The following PTK2 variants were observed in gnomAD, a reference collection of about 807,000 sequenced individuals.
The protein encoded by PTK2 is protein tyrosine kinase 2, also known as focal adhesion kinase 1.
In PTK2, 45 loss-of-function variants were observed where a neutral mutation model predicts 150.1. That is an observed-to-expected ratio of 0.30 (90% CI 0.24 to 0.38). The LOEUF is 0.38. Ranked by LOEUF, PTK2 falls within the 10% of genes least tolerant of loss-of-function variation. The probability of loss-of-function intolerance (pLI) is 1.00; values close to 1 mark genes in which losing one functional copy is unlikely to be tolerated. For synonymous variants in PTK2, 432 were observed against 449.2 expected, an observed-to-expected ratio of 0.96 and a Z score of 0.48; for missense variants, 919 against 1,307.3, an observed-to-expected ratio of 0.70 and a Z score of 4.58.
intron 27 of PTK2, among the ~76,000 whole-genome samples, chr8:140,678,801 A>G (rs2100015282): frequency 2.6e-5 from 4 of 152,144 alleles, no homozygotes; most frequent in Admixed American, 2.0e-4. Context: ...CAAGGTGGTC[A>G]GGGCAGATAG....
chr8:140,819,549 T>A (rs2100106891), intron 8 of PTK2, among the ~76,000 whole-genome samples: 1 of 152,264 alleles, frequency 6.6e-6, no homozygotes, highest in Admixed American at 6.5e-5. Flanking sequence ...AGAGCCTGGT[T>A]ACGTAAACTA....
At chr8:140,885,390 T>C (rs1002764668) in intron 3 of PTK2, among the ~76,000 whole-genome samples, 2 of 152,212 alleles carry the variant, frequency 1.3e-5, no homozygotes, top group African/African-American at 4.8e-5. Context: ...CTAGACACTG[T>C]TAAAGACATT....
intron 22 of PTK2, among the ~76,000 whole-genome samples, chr8:140,729,477 C>A (rs2100047931): frequency 6.6e-6 from 1 of 152,120 alleles, no homozygotes. Flanking sequence ...TCAAAATATG[C>A]CAATGAAACA....
chr8:140,967,997 A>C (rs2100185916), intron 1 of PTK2, among the ~76,000 whole-genome samples: 1 of 152,232 alleles, frequency 6.6e-6, no homozygotes, highest in Non-Finnish European at 1.5e-5. Flanking sequence ...TCACCAGAGC[A>C]AACAAAAGCT....
At chr8:140,693,544 G>T (rs568297362) in intron 26 of PTK2, among the ~76,000 whole-genome samples, 2 of 119,750 alleles carry the variant, frequency 1.7e-5, no homozygotes, top group South Asian at 5.6e-4. Flanking sequence ...CAGGGCCACA[G>T]AGTGAGACTT....
intron 14 of PTK2, among the ~76,000 whole-genome samples, chr8:140,783,249 G>C (rs1175318870): frequency 6.6e-6 from 1 of 152,030 alleles, no homozygotes; most frequent in Non-Finnish European, 1.5e-5. Flanking sequence ...CCAGAAAAAA[G>C]AAAGAAATGA....
At chr8:140,813,481 G>T (rs184699923) in intron 10 of PTK2, among the ~76,000 whole-genome samples, 69 of 151,860 alleles carry the variant, frequency 4.5e-4, no homozygotes, top group African/African-American at 1.3e-3. Context: ...TAAAAATCAT[G>T]ACTGAGAAAT....
intron 12 of PTK2, 84 bp downstream of exon 12, chr8:140,800,364 CAGTTACCTAAA>C: frequency 1.0e-6 from 1 of 981,424 alleles, no homozygotes; most frequent in Non-Finnish European, 1.6e-6. Context: ...TTCATTTTTA[CAGTTACCTAAA>C]AGAGGATAAC....
At chr8:140,854,827 TTGGA>T (rs1224381683) in intron 5 of PTK2, among the ~76,000 whole-genome samples, 2 of 152,248 alleles carry the variant, frequency 1.3e-5, no homozygotes, top group Non-Finnish European at 1.5e-5. Context: ...CAAAATGGAC[TTGGA>T]TGAATTTTCA....
chr8:140,904,706 T>C (rs1314031769), intron 2 of PTK2, among the ~76,000 whole-genome samples: 6 of 152,208 alleles, frequency 3.9e-5, no homozygotes, highest in African/African-American at 1.4e-4. Context: ...GGGATTTGAC[T>C]TCTTCCTGAT....
At chr8:140,962,277 AAGGG>A (rs1196068426) in intron 1 of PTK2, among the ~76,000 whole-genome samples, 3 of 131,560 alleles carry the variant, frequency 2.3e-5, no homozygotes, top group Non-Finnish European at 4.9e-5. Flanking sequence ...GGGAGGGAGG[AAGGG>A]AGGGAGGAAG....
intron 26 of PTK2, among the ~76,000 whole-genome samples, chr8:140,688,350 C>T (rs994809441): frequency 2.0e-5 from 3 of 152,224 alleles, no homozygotes; most frequent in Admixed American, 2.0e-4. Flanking sequence ...TATAAAAAAA[C>T]ATGTTCCCTT....
intron 4 of PTK2, among the ~76,000 whole-genome samples, chr8:140,870,315 C>T (rs1331072960): frequency 6.6e-6 from 1 of 152,126 alleles, no homozygotes; most frequent in Non-Finnish European, 1.5e-5. Context: ...AATATCAAAA[C>T]ACTGATTGAT....
At chr8:140,707,318 G>T (rs377577203) in intron 23 of PTK2, among the ~76,000 whole-genome samples, 1 of 152,246 alleles carries the variant, frequency 6.6e-6, no homozygotes, top group African/African-American at 2.4e-5. Flanking sequence ...TGGATCACAC[G>T]GTGAGACCCC....
intron 10 of PTK2, among the ~76,000 whole-genome samples, chr8:140,809,376 A>C (rs1025689450): frequency 1.3e-5 from 2 of 152,246 alleles, no homozygotes; most frequent in South Asian, 2.1e-4. Context: ...TGAAACAGGA[A>C]TATAGAGACA....
chr8:140,823,494 T>TATAC (rs758841202), intron 8 of PTK2, among the ~76,000 whole-genome samples: 54 of 151,866 alleles, frequency 3.6e-4, no homozygotes, highest in Admixed American at 7.2e-4. Context: ...TATATATATA[T>TATAC]ACACACCTGC....
At chr8:140,810,636 G>C (rs369447579) in intron 10 of PTK2, among the ~76,000 whole-genome samples, 1 of 152,158 alleles carries the variant, frequency 6.6e-6, no homozygotes, top group African/African-American at 2.4e-5. Context: ...TGTGTACGCA[G>C]GCAGGTATTG....
intron 3 of PTK2, among the ~76,000 whole-genome samples, chr8:140,882,449 T>A (rs902363334): frequency 6.6e-6 from 1 of 152,138 alleles, no homozygotes; most frequent in African/African-American, 2.4e-5. Context: ...AAATTTAAAT[T>A]TCTCATCGTG....
At chr8:140,725,288 C>T (rs1039479704) in intron 22 of PTK2, among the ~76,000 whole-genome samples, 1 of 151,140 alleles carries the variant, frequency 6.6e-6, no homozygotes, top group South Asian at 2.1e-4. Flanking sequence ...CATGAGCCAC[C>T]GCAAATGTTA....
Sources: allele counts gnomAD v4.1 joint callset (sites outside exome capture counted in the v4.1 genomes callset), GRCh38; gene constraint gnomAD v4.1.1; transcripts MANE v1.5; gene names NCBI Gene and HGNC (gene_info 2026-07-23, HGNC 2026-07-21).